PSPC1: variants seen among roughly 807,000 people sequenced by gnomAD.
PSPC1 encodes the protein paraspeckle protein 1.
PSPC1 carries 14 observed loss-of-function variants against 51.6 expected under a neutral mutation model. That is an observed-to-expected ratio of 0.27 (90% CI 0.18 to 0.42). The LOEUF (loss-of-function observed/expected upper bound fraction) is 0.42. PSPC1 is among the 10% of genes least tolerant of loss of function. PSPC1 has a pLI of 1.00. For missense variants in PSPC1, 406 were observed against 701.1 expected (o/e 0.58, Z 4.75); for synonymous variants, 193 against 231.9 (o/e 0.83, Z 1.53).
At chr13:19,700,216 A>G (rs1383101571), downstream of PSPC1, among the ~76,000 whole-genome samples, 1 of 152,106 alleles carries the variant, frequency 6.6e-6, no homozygotes, top group Admixed American at 6.5e-5. Context: ...ACATATAAGT[A>G]GCAAGTTACT....
intron 6 of PSPC1, among the ~76,000 whole-genome samples, chr13:19,718,691 A>G (rs2137836742): frequency 7.2e-6 from 1 of 139,174 alleles, no homozygotes; most frequent in East Asian, 2.3e-4. Context: ...GAATGTTTAT[A>G]GCAGCTTGAT....
chr13:19,730,945 A>AG (rs1276787638), intron 5 of PSPC1, among the ~76,000 whole-genome samples: 18 of 30,244 alleles, frequency 6.0e-4, no homozygotes, highest in Non-Finnish European at 2.3e-3. Flanking sequence ...ACCCTGTCTC[A>AG]GAAAAAAAAA....
intron 6 of PSPC1, among the ~76,000 whole-genome samples, chr13:19,719,127 T>C (rs1882467921): frequency 6.7e-6 from 1 of 149,470 alleles, no homozygotes. Flanking sequence ...GATAAGCACG[T>C]GTCAATGTAG....
At chr13:19,692,902 T>A (rs1317859868) in intron 6 of PSPC1, among the ~76,000 whole-genome samples, 2 of 152,222 alleles carry the variant, frequency 1.3e-5, no homozygotes, top group East Asian at 3.8e-4. Flanking sequence ...GCTGGATCCC[T>A]GATCTATGTG....
chr13:19,720,709 G>A (rs116730180), intron 6 of PSPC1, among the ~76,000 whole-genome samples: 1,552 of 152,002 alleles, frequency 0.01, 28 homozygotes, highest in African/African-American at 0.036. Flanking sequence ...GAAAAAACAA[G>A]AATAAATCAA....
intron 5 of PSPC1, among the ~76,000 whole-genome samples, chr13:19,736,458 C>G (rs369562727): frequency 6.6e-5 from 10 of 151,920 alleles, no homozygotes; most frequent in Non-Finnish European, 1.2e-4. Context: ...CCGAGGCGGG[C>G]GGATCACAAG....
downstream of PSPC1, chr13:19,673,188 C>T (rs1217792282): frequency 3.4e-5 from 15 of 446,252 alleles, no homozygotes; most frequent in Non-Finnish European, 6.7e-5. Flanking sequence ...ACCTGGCTGT[C>T]AGCTGTGTGG....
chr13:19,759,474 G>A lies in PSPC1; in HGVS notation c.675-56C>T, dbSNP rs553046563. 385 of 1,166,538 alleles carry A rather than the reference G, an allele frequency of 3.3e-4. 5 individuals carry two copies. The highest frequency in any genetic ancestry group is 3.1e-3 in the South Asian group (230 of 74,190). The allele number at this position is 1,166,538 out of a possible 1,614,324, so 72.3% of individuals were successfully genotyped here. A position where few individuals can be genotyped will look rare whatever the true frequency, so the allele number is the denominator to read the frequency against. Reference sequence around the variant, plus strand: ...TAACACAGTGCCAAGAATTAATACCGTCTTAAAAGAAATGTTTTATAATAA... The same window carrying A: ...TAACACAGTGCCAAGAATTAATACCATCTTAAAAGAAATGTTTTATAATAA... On this transcript the variant is annotated intron_variant, in intron 2 of 8. Coordinates refer to ENST00000338910, the MANE Select transcript of PSPC1 (RefSeq NM_001354909.2).
In PSPC1 at chr13:19,772,263, T is replaced by C; in HGVS notation, c.653A>G (p.Asp218Gly). 6.2e-7 allele frequency: 1 copy of C among 1,613,822 alleles called. No individual in the cohort carries two copies. The highest frequency in any genetic ancestry group is 8.5e-7 in the Non-Finnish European group (1 of 1,179,778). Residue 218 changes from aspartate (D) to glycine (G), a missense_variant, in exon 2 of 9, where the codon GAT becomes GGT. By Grantham distance (94) the Asp-to-Gly change is moderately conservative (BLOSUM62 -1). Coordinates refer to ENST00000338910, the MANE Select transcript of PSPC1 (RefSeq NM_001354909.2). Reference protein sequence around the residue: ...PARKALERCGDGAFLLTTTPR... With the variant: ...PARKALERCGGGAFLLTTTPR... Reference sequence around the variant, plus strand: ...TTACGTTGTTAGCAAGAATGCCCCATCACCACATCTTTCCAGAGCCTTTCG... The same window carrying C: ...TTACGTTGTTAGCAAGAATGCCCCACCACCACATCTTTCCAGAGCCTTTCG...
exon 8 of PSPC1, chr13:19,674,787 T>G (rs923617468): frequency 6.6e-6 from 1 of 152,224 alleles, no homozygotes; most frequent in African/African-American, 2.4e-5. Flanking sequence ...TTCATGCAGT[T>G]AACATGCTTC....
In PSPC1 at chr13:19,768,596, C is replaced by T. The variant is rs186219375; in HGVS notation, c.674+3646G>A. Among the ~76,000 whole-genome samples, 226 of 149,660 alleles carry T rather than the reference C, an allele frequency of 1.5e-3. 9 individuals are homozygous for T. Among genetic ancestry groups the T allele is most frequent in the Admixed American group, 0.015 (223 of 14,950 alleles). ...CCGGGAGGCAGAGCTTGCAGTGAGCCGAGATCACGCCACTGCACTCCAGGC... is the reference window on the plus strand; with the variant it reads ...CCGGGAGGCAGAGCTTGCAGTGAGCTGAGATCACGCCACTGCACTCCAGGC... On this transcript the variant is annotated intron_variant, in intron 2 of 8. Coordinates refer to ENST00000338910, the MANE Select transcript of PSPC1 (RefSeq NM_001354909.2).
intron 6 of PSPC1, among the ~76,000 whole-genome samples, chr13:19,683,208 AAG>A: frequency 6.6e-6 from 1 of 152,238 alleles, no homozygotes; most frequent in Non-Finnish European, 1.5e-5. Flanking sequence ...TGACTTGTAC[AAG>A]AGTGTTCATA....
intron 7 of PSPC1, among the ~76,000 whole-genome samples, chr13:19,707,593 A>C (rs1880862574): frequency 6.6e-6 from 1 of 152,166 alleles, no homozygotes; most frequent in Admixed American, 6.5e-5. Context: ...AATTAGATAA[A>C]CTGGGCTTTA....
chr13:19,765,291 C>G (rs773452904), intron 2 of PSPC1, among the ~76,000 whole-genome samples: 3 of 149,778 alleles, frequency 2.0e-5, no homozygotes, highest in African/African-American at 7.4e-5. Context: ...GCCATGCACT[C>G]CACCCTGGGT....
intron 1 of PSPC1, among the ~76,000 whole-genome samples, chr13:19,774,446 T>G (rs546616743): frequency 2.0e-5 from 3 of 152,286 alleles, no homozygotes; most frequent in Non-Finnish European, 4.4e-5. Flanking sequence ...ACAAATGAAG[T>G]TACCCTTTTT....
intron 5 of PSPC1, among the ~76,000 whole-genome samples, chr13:19,733,469 T>C (rs983621858): frequency 5.3e-5 from 8 of 151,450 alleles, no homozygotes; most frequent in Non-Finnish European, 1.2e-4. Context: ...AAATAGAAAA[T>C]ATTAGCCACG....
At chr13:19,691,812 G>T (rs1018093851) in intron 6 of PSPC1, among the ~76,000 whole-genome samples, 2 of 152,102 alleles carry the variant, frequency 1.3e-5, no homozygotes, top group African/African-American at 4.8e-5. Context: ...CAGCTTCTCA[G>T]AAGGCTGAGG....
At chr13:19,673,722 G>A (rs756322202), downstream of PSPC1, among the ~76,000 whole-genome samples, 11 of 152,284 alleles carry the variant, frequency 7.2e-5, no homozygotes, top group South Asian at 1.2e-3. Flanking sequence ...TCAGGAAGGC[G>A]GGGCTTTCTC....
chr13:19,718,157 T>C (rs1882352976), intron 6 of PSPC1, among the ~76,000 whole-genome samples: 1 of 152,190 alleles, frequency 6.6e-6, no homozygotes, highest in South Asian at 2.1e-4. Flanking sequence ...TTGGAAAACT[T>C]AACATTTGAA....
Sources: gnomAD v4.1 joint callset for allele counts (sites outside exome capture counted in the v4.1 genomes callset) on GRCh38, gnomAD v4.1.1 for gene constraint, MANE v1.5 for transcripts, NCBI Gene and HGNC (gene_info 2026-07-23, HGNC 2026-07-21) for gene names.